Variants in WDR5 observed in about 807,000 individuals in gnomAD.
WDR5 encodes WD repeat-containing protein 5.
For missense variants in WDR5, 187 were observed against 416.9 expected, an observed-to-expected ratio of 0.45 and a Z score of 4.80; for synonymous variants, 144 against 161.6, an observed-to-expected ratio of 0.89 and a Z score of 0.83.
At chr9:134,150,951 G>A (rs187018919) in intron 8 of WDR5, among the ~76,000 whole-genome samples, 42 of 152,332 alleles carry the variant, frequency 2.8e-4, no homozygotes, top group Non-Finnish European at 5.1e-4. Flanking sequence ...TTAGGAATGC[G>A]GCTAGTGAGA....
At position 134,157,613 on chromosome 9, in the gene WDR5, G is replaced by T. The variant is rs982815216; in HGVS notation, c.905-280G>T. Among the ~76,000 whole-genome samples the T allele has an allele frequency of 6.6e-6, 1 of 152,148 alleles. No homozygotes were observed. The highest frequency in any genetic ancestry group is 2.1e-4 in the South Asian group (1 of 4,836). On this transcript the variant is annotated intron_variant, in intron 13 of 13. Coordinates refer to ENST00000358625, the MANE Select transcript of WDR5 (RefSeq NM_017588.3). The surrounding 1 kb of genome is among the most constrained non-coding windows in gnomAD (Gnocchi z 5.0). ...GCGCCGAGCTGCTGTTGGTGGGGGC[G>T]TGTGGGGCTCCTGGTCTGCAGGCAG...
chr9:134,144,622 A>G (rs1832074488), intron 7 of WDR5, among the ~76,000 whole-genome samples: 3 of 152,072 alleles, frequency 2.0e-5, no homozygotes, highest in Non-Finnish European at 4.4e-5. Context: ...GGAGGATCCC[A>G]TGAGACTAGG....
chr9:134,141,323 G>A (rs117926597), intron 3 of WDR5, among the ~76,000 whole-genome samples, 187 bp from the exon 4 acceptor site: 3,354 of 152,152 alleles, frequency 0.022, 52 homozygotes, highest in Non-Finnish European at 0.037. Context: ...GAAATTGCCC[G>A]TGGACCCTGG....
intron 1 of WDR5, among the ~76,000 whole-genome samples, chr9:134,138,623 A>T (rs531042423): frequency 2.6e-4 from 40 of 152,306 alleles, no homozygotes; most frequent in African/African-American, 9.6e-4. Flanking sequence ...AGCGTGATCC[A>T]TCTTTGCGCA....
At chr9:134,148,846 A>G (rs1832348926) in intron 8 of WDR5, among the ~76,000 whole-genome samples, 2 of 152,158 alleles carry the variant, frequency 1.3e-5, no homozygotes, top group Non-Finnish European at 2.9e-5. Flanking sequence ...AGGTGTTTGT[A>G]GTGCTTGGAC....
intron 1 of WDR5, among the ~76,000 whole-genome samples, chr9:134,139,218 G>C (rs899240304): frequency 2.0e-5 from 3 of 152,332 alleles, no homozygotes; most frequent in Non-Finnish European, 2.9e-5. Context: ...GCTCCTCACT[G>C]AGTGCGCGAG....
At chr9:134,152,063 G>T (rs1470257585) in intron 9 of WDR5, 34 bp downstream of exon 9, 30 of 1,610,250 alleles carry the variant, frequency 1.9e-5, no homozygotes, top group African/African-American at 2.7e-5. Context: ...CTGGGTCTGT[G>T]GGGAGGGCCT....
rs138223746 is a variant in WDR5 at position 134,152,048 on chromosome 9, G to C, written c.631+19G>C. The C allele has an allele frequency of 9.3e-6, 15 of 1,612,918 alleles. No individual in the cohort carries two copies. The highest frequency in any genetic ancestry group is 6.7e-5 in the African/African-American group (5 of 74,876). ...CTCATCGGTGAGTGTGGCTCTGTGT[G>C]GGGGCTGGGTCTGTGGGGAGGGCCT... On this transcript the variant is annotated intron_variant, in intron 9 of 13. Transcript: ENST00000358625.
At chr9:134,143,811 G>T (rs1203374931) in intron 7 of WDR5, among the ~76,000 whole-genome samples, 1 of 149,648 alleles carries the variant, frequency 6.7e-6, no homozygotes, top group African/African-American at 2.5e-5. Context: ...CACTGCGCCC[G>T]GCCAAAACTC....
Position 134,157,822 on chromosome 9 carries a change from C to T in WDR5, c.905-71C>T. Reference sequence around the variant, plus strand: ...CCCGCGTTTCTGGAGAAAGGTGGAGCTCAGTCTGGGATGGCGTCCCCGACC... The same window carrying T: ...CCCGCGTTTCTGGAGAAAGGTGGAGTTCAGTCTGGGATGGCGTCCCCGACC... On this transcript the variant is annotated intron_variant, in intron 13 of 13. Coordinates refer to ENST00000358625, the MANE Select transcript of WDR5 (RefSeq NM_017588.3). This position sits in a 1 kb window ranked among gnomAD's most constrained non-coding sequence, Gnocchi z 5.0. The T allele has an allele frequency of 1.4e-6, 2 of 1,465,202 alleles. No homozygotes were observed. The highest frequency in any genetic ancestry group is 9.5e-7 in the Non-Finnish European group (1 of 1,050,134). The allele number at this position is 1,465,202 out of a possible 1,614,324, so 90.8% of individuals were successfully genotyped here. A position where few individuals can be genotyped will look rare whatever the true frequency, so the allele number is the denominator to read the frequency against.
chr9:134,145,432 C>T (rs1048569431), intron 7 of WDR5, among the ~76,000 whole-genome samples: 5 of 152,150 alleles, frequency 3.3e-5, no homozygotes, highest in Non-Finnish European at 7.3e-5. Context: ...ACATCTATGC[C>T]CTTGGATTGC....
intron 7 of WDR5, among the ~76,000 whole-genome samples, chr9:134,144,153 C>T (rs934807039): frequency 7.2e-5 from 11 of 152,234 alleles, no homozygotes; most frequent in African/African-American, 2.7e-4. Flanking sequence ...CAGGCCTGGG[C>T]GGGGCTGCGG....
upstream of WDR5, chr9:134,135,860 T>C (rs1831508656): frequency 2.0e-5 from 3 of 152,064 alleles, no homozygotes; most frequent in African/African-American, 7.3e-5. Context: ...TTATTATACT[T>C]CAGTTTTTAG....
At chr9:134,137,677 ACAAAAAC>A (rs1831642337) in intron 1 of WDR5, among the ~76,000 whole-genome samples, 31 of 139,210 alleles carry the variant, frequency 2.2e-4, no homozygotes, top group Non-Finnish European at 3.8e-4. Flanking sequence ...CAAAAAAAAA[ACAAAAAC>A]AAAAAAAAAA....
chr9:134,154,569 G>A (rs372666379), intron 10 of WDR5, 28 bp downstream of exon 10: 23 of 1,611,802 alleles, frequency 1.4e-5, no homozygotes, highest in African/African-American at 4.0e-5. Context: ...CTGTGGGGGC[G>A]GGCATGTGGC....
At chr9:134,155,068 C>A (rs1274603133) in intron 10 of WDR5, among the ~76,000 whole-genome samples, 1 of 152,198 alleles carries the variant, frequency 6.6e-6, no homozygotes, top group Non-Finnish European at 1.5e-5. Context: ...TTGAGGATGA[C>A]CCGAGTCAGG....
At chr9:134,154,626 C>T (rs983761931) in intron 10 of WDR5, 85 bp downstream of exon 10, 19 of 1,474,882 alleles carry the variant, frequency 1.3e-5, no homozygotes, top group African/African-American at 9.7e-5. Context: ...CTTTGGAGAG[C>T]GTGTTGTGGG....
rs190551616 is a variant in WDR5 at position 134,145,185 on chromosome 9, G to T, written c.528+2466G>T. Among the ~76,000 whole-genome samples the T allele has an allele frequency of 1.1e-4, 16 of 140,696 alleles. No individual in the cohort carries two copies. In the East Asian group the frequency reaches 3.4e-3, roughly 30 times the overall value. 92.3% of individuals were successfully genotyped at this position (140,696 alleles called of 152,430 possible). A position where few individuals can be genotyped will look rare whatever the true frequency, so the allele number is the denominator to read the frequency against. On this transcript the variant is annotated intron_variant, in intron 7 of 13. Coordinates refer to ENST00000358625, the MANE Select transcript of WDR5 (RefSeq NM_017588.3). ...GCGATCTTGGCCCACTGCAAGCTCTGCCTCCTGGGTTCAAGGGGTTCTCCT... is the reference window on the plus strand; with the variant it reads ...GCGATCTTGGCCCACTGCAAGCTCTTCCTCCTGGGTTCAAGGGGTTCTCCT...
At chr9:134,143,472 C>T (rs1472871354) in intron 7 of WDR5, among the ~76,000 whole-genome samples, 4 of 151,470 alleles carry the variant, frequency 2.6e-5, no homozygotes, top group South Asian at 2.1e-4. Flanking sequence ...ACCTGGGAAG[C>T]GGAGGTTGCA....
Sources: allele counts gnomAD v4.1 joint callset (sites outside exome capture counted in the v4.1 genomes callset), GRCh38; gene constraint gnomAD v4.1.1; non-coding constraint Gnocchi (gnomAD v3.1); transcripts MANE v1.5; gene names NCBI Gene and HGNC (gene_info 2026-07-23, HGNC 2026-07-21).